The following CDH11 variants were observed in gnomAD, a reference collection of about 807,000 sequenced individuals.
The protein encoded by CDH11 is cadherin-11.
Under a neutral mutation model 67.8 loss-of-function variants are expected in CDH11, and 11 were observed. That is an observed-to-expected ratio of 0.16 (90% CI 0.10 to 0.27). The LOEUF is 0.27. CDH11 is among the 10% of genes least tolerant of loss of function. The probability of loss-of-function intolerance (pLI) is 1.00; values close to 1 mark genes in which losing one functional copy is unlikely to be tolerated. For synonymous variants in CDH11, 419 were observed against 400.0 expected (o/e 1.05, Z -0.57); for missense variants, 847 against 1,031.2 (o/e 0.82, Z 2.45).
chr16:64,949,619 T>G (rs2142368142), intron 12 of CDH11, among the ~76,000 whole-genome samples: 1 of 151,778 alleles, frequency 6.6e-6, no homozygotes, highest in South Asian at 2.1e-4. Flanking sequence ...AGAGACGGGG[T>G]TTCTCCATGT....
chr16:65,102,013 A>G (rs183939616), intron 1 of CDH11, among the ~76,000 whole-genome samples: 1 of 152,314 alleles, frequency 6.6e-6, no homozygotes, highest in African/African-American at 2.4e-5. Context: ...GACATATTGC[A>G]TTCATACAAT....
chr16:65,007,520 G>T (rs2073085357), intron 2 of CDH11, among the ~76,000 whole-genome samples: 1 of 152,178 alleles, frequency 6.6e-6, no homozygotes, highest in Non-Finnish European at 1.5e-5. Flanking sequence ...AGAGCACAAA[G>T]AAGGCCCCAG....
intron 2 of CDH11, among the ~76,000 whole-genome samples, chr16:65,051,390 G>A (rs1401543153): frequency 6.6e-6 from 1 of 152,270 alleles, no homozygotes; most frequent in South Asian, 2.1e-4. Context: ...CTGGCCTTAT[G>A]TGGAGGTAAT....
At chr16:65,021,676 C>T (rs956319524) in intron 2 of CDH11, among the ~76,000 whole-genome samples, 1 of 149,958 alleles carries the variant, frequency 6.7e-6, no homozygotes, top group Non-Finnish European at 1.5e-5. Context: ...TAATACCAGA[C>T]TCTAGGCAGG....
chr16:64,957,600 G>GCACA (rs66508762), intron 11 of CDH11, among the ~76,000 whole-genome samples: 43,933 of 144,722 alleles, frequency 0.3, 6,744 homozygotes, highest in Non-Finnish European at 0.33. Context: ...ACATGCCCGT[G>GCACA]CACACACACA....
At chr16:65,097,167 A>G (rs964416559) in intron 1 of CDH11, among the ~76,000 whole-genome samples, 2 of 152,220 alleles carry the variant, frequency 1.3e-5, no homozygotes, top group African/African-American at 4.8e-5. Context: ...TGGGAAAAAC[A>G]TATTTGTAAG....
intron 8 of CDH11, chr16:64,981,066 G>C (rs2072324715): frequency 6.5e-6 from 1 of 153,192 alleles, no homozygotes. Flanking sequence ...TGGAGAAGCA[G>C]AGTTTTGGAT....
Position 64,973,070 on chromosome 16 carries a change from C to T in CDH11, c.1254-30G>A, listed in dbSNP as rs768846252. ...GCAGAATGCAAATGAGGCAATTAGACCAAGACATTCAGAGCAGCTTAATAT... is the reference window on the plus strand; with the variant it reads ...GCAGAATGCAAATGAGGCAATTAGATCAAGACATTCAGAGCAGCTTAATAT... On this transcript the variant is annotated intron_variant, in intron 8 of 12. Transcript: ENST00000268603. 9 of 1,606,782 alleles carry T rather than the reference C, an allele frequency of 5.6e-6. No homozygotes were observed. The African/African-American group carries it at 9.4e-5, about 17-fold the overall frequency.
intron 1 of CDH11, among the ~76,000 whole-genome samples, chr16:65,120,589 A>AC (rs2075309625): frequency 6.6e-6 from 1 of 151,800 alleles, no homozygotes; most frequent in African/African-American, 2.4e-5. Context: ...TTCAAGAACA[A>AC]CCCCCCACTC....
intron 1 of CDH11, among the ~76,000 whole-genome samples, chr16:65,097,723 C>A (rs777394417): frequency 6.6e-6 from 1 of 152,206 alleles, no homozygotes; most frequent in Non-Finnish European, 1.5e-5. Flanking sequence ...CCCCTGTAAT[C>A]AGTCCTATAA....
At chr16:65,051,703 T>C (rs1220968626) in intron 2 of CDH11, among the ~76,000 whole-genome samples, 3 of 152,318 alleles carry the variant, frequency 2.0e-5, no homozygotes, top group South Asian at 2.1e-4. Flanking sequence ...GTTCTTGTGA[T>C]ACTGAGTGAG....
intron 2 of CDH11, among the ~76,000 whole-genome samples, chr16:65,007,839 T>A (rs1368793681): frequency 6.6e-6 from 1 of 152,230 alleles, no homozygotes; most frequent in African/African-American, 2.4e-5. Context: ...CACATTTATA[T>A]GTCTGACACC....
At chr16:65,033,736 C>CTAAAATAAAATAAAATAAAA (rs59225853) in intron 2 of CDH11, among the ~76,000 whole-genome samples, 16,262 of 141,304 alleles carry the variant, frequency 0.12, 1,425 homozygotes, top group East Asian at 0.27. Flanking sequence ...GACTCCATCT[C>CTAAAATAAAATAAAATAAAA]TAAAATAAAA....
At chr16:65,025,744 T>C (rs181807859) in intron 2 of CDH11, among the ~76,000 whole-genome samples, 103 of 152,300 alleles carry the variant, frequency 6.8e-4, no homozygotes, top group Non-Finnish European at 1.2e-3. Flanking sequence ...TCACTCCTTT[T>C]CTCTAATATG....
chr16:65,112,801 A>C (rs1597210331), intron 1 of CDH11, among the ~76,000 whole-genome samples: 1 of 152,224 alleles, frequency 6.6e-6, no homozygotes, highest in Admixed American at 6.5e-5. Context: ...AAGTATTATC[A>C]AACAGCGTAT....
At chr16:64,948,764 G>C (rs1192424748) in intron 12 of CDH11, 1 of 1,600,888 alleles carries the variant, frequency 6.2e-7, no homozygotes, top group African/African-American at 1.3e-5. Flanking sequence ...CTGGGAGAGG[G>C]GGGTTCCATT....
chr16:65,012,110 G>C (rs187239723), intron 2 of CDH11, among the ~76,000 whole-genome samples: 24 of 152,298 alleles, frequency 1.6e-4, no homozygotes, highest in Non-Finnish European at 4.4e-5. Context: ...GGTATGATGT[G>C]TTCAGTACAG....
intron 2 of CDH11, 111 bp from the exon 3 acceptor site, chr16:65,005,152 G>T: frequency 5.0e-6 from 5 of 1,003,672 alleles, no homozygotes; most frequent in Admixed American, 3.9e-5. Flanking sequence ...GGAGCTACGG[G>T]CTTTGGGGAA....
chr16:65,009,064 C>T (rs1422625911), intron 2 of CDH11, among the ~76,000 whole-genome samples: 1 of 152,048 alleles, frequency 6.6e-6, no homozygotes, highest in Non-Finnish European at 1.5e-5. Flanking sequence ...AAGTAAAGGA[C>T]CTGGGATTGA....
Sources: allele counts gnomAD v4.1 joint callset (sites outside exome capture counted in the v4.1 genomes callset), GRCh38; gene constraint gnomAD v4.1.1; transcripts MANE v1.5; gene names NCBI Gene and HGNC (gene_info 2026-07-23, HGNC 2026-07-21).